Variants in CCSER1 observed in about 807,000 individuals in gnomAD.
The protein encoded by CCSER1 is coiled-coil serine rich protein 1.
A neutral mutation model predicts 82.0 loss-of-function variants in CCSER1; 41 were observed. The observed-to-expected ratio is 0.50, with a 90% CI of 0.39 to 0.65. The LOEUF (loss-of-function observed/expected upper bound fraction) is 0.65. CCSER1 is among the 30% of genes least tolerant of loss of function. The pLI is 0.00. For synonymous variants in CCSER1, 414 were observed against 383.9 expected (o/e 1.08, Z -0.92); for missense variants, 1,119 against 1,064.2 (o/e 1.05, Z -0.72).
At chr4:90,751,595 A>G (rs1748676453) in intron 7 of CCSER1, among the ~76,000 whole-genome samples, 1 of 152,150 alleles carries the variant, frequency 6.6e-6, no homozygotes, top group Non-Finnish European at 1.5e-5. Flanking sequence ...GATGTTAAAT[A>G]GTTGTTAAAG....
chr4:90,166,158 T>C (rs1273501781), intron 1 of CCSER1, among the ~76,000 whole-genome samples: 2 of 152,176 alleles, frequency 1.3e-5, no homozygotes, highest in South Asian at 2.1e-4. Flanking sequence ...ATAAATTGCA[T>C]GAGCTATTCA....
chr4:91,551,656 AACACACACACACACAC>A lies in CCSER1; in HGVS notation c.2218-46886_2218-46871del, dbSNP rs58159693. Among the ~76,000 whole-genome samples, 230 of 139,516 alleles carry A rather than the reference AACACACACACACACAC, an allele frequency of 1.6e-3. 1 individual carries two copies. In the East Asian group the frequency reaches 0.018, roughly 11 times the overall value. 91.5% of individuals were successfully genotyped at this position (139,516 alleles called of 152,430 possible). On this transcript the variant is annotated intron_variant, in intron 10 of 10. Transcript: ENST00000509176. ...TTCCTGAAGCAGCAGGCAAAAAACAAACACACACACACACACACACACACACACACACACACACACA... is the reference window on the plus strand; with the variant it reads ...TTCCTGAAGCAGCAGGCAAAAAACAAACACACACACACACACACACACACA...
At chr4:90,195,311 G>A (rs62313893) in intron 1 of CCSER1, among the ~76,000 whole-genome samples, 17,532 of 152,030 alleles carry the variant, frequency 0.12, 1,123 homozygotes, top group Middle Eastern at 0.23. Flanking sequence ...GGTGGGTGGA[G>A]TAAACTTAAA....
intron 5 of CCSER1, among the ~76,000 whole-genome samples, chr4:90,469,459 A>G (rs1764059948): frequency 6.6e-6 from 1 of 151,658 alleles, no homozygotes; most frequent in South Asian, 2.1e-4. Context: ...TTTTTGTCTA[A>G]TAGATAATTG....
intron 10 of CCSER1, among the ~76,000 whole-genome samples, chr4:91,424,161 C>T (rs898410368): frequency 1.3e-5 from 2 of 151,116 alleles, no homozygotes; most frequent in African/African-American, 2.4e-5. Context: ...GGACTACAGG[C>T]GCCCGCCACC....
At chr4:91,134,942 C>T (rs556381745) in intron 10 of CCSER1, among the ~76,000 whole-genome samples, 36 of 151,952 alleles carry the variant, frequency 2.4e-4, no homozygotes, top group Non-Finnish European at 4.7e-4. Flanking sequence ...TGCTTGTAGT[C>T]CCAGCTACTC....
chr4:91,439,679 A>T (rs575025074), intron 10 of CCSER1, among the ~76,000 whole-genome samples: 1 of 152,188 alleles, frequency 6.6e-6, no homozygotes, highest in East Asian at 1.9e-4. Flanking sequence ...AAATTGGATA[A>T]AGAGTCAAGA....
At chr4:90,230,175 T>C (rs1199339234) in intron 1 of CCSER1, among the ~76,000 whole-genome samples, 1 of 152,144 alleles carries the variant, frequency 6.6e-6, no homozygotes, top group African/African-American at 2.4e-5. Flanking sequence ...TACATTTTTT[T>C]CAGCACCACA....
At chr4:90,984,314 T>G (rs996051658) in intron 9 of CCSER1, among the ~76,000 whole-genome samples, 1 of 151,820 alleles carries the variant, frequency 6.6e-6, no homozygotes, top group African/African-American at 2.4e-5. Context: ...CATAATTACT[T>G]CATTTTCAAG....
intron 10 of CCSER1, among the ~76,000 whole-genome samples, chr4:91,507,942 G>A (rs905960386): frequency 3.7e-4 from 55 of 150,204 alleles, no homozygotes; most frequent in African/African-American, 1.3e-3. Flanking sequence ...CAACATATCT[G>A]AGCTGGTTTA....
At chr4:91,137,055 C>T (rs1046250992) in intron 10 of CCSER1, among the ~76,000 whole-genome samples, 26 of 148,816 alleles carry the variant, frequency 1.7e-4, no homozygotes, top group African/African-American at 6.2e-4. Flanking sequence ...TACATGTGCA[C>T]ATTGTGCAGG....
chr4:90,546,026 C>T (rs954391823), intron 5 of CCSER1, among the ~76,000 whole-genome samples: 1 of 152,062 alleles, frequency 6.6e-6, no homozygotes, highest in African/African-American at 2.4e-5. Flanking sequence ...TATAGTTTGT[C>T]CCTTATGGCA....
chr4:91,214,625 A>G (rs1362353825), intron 10 of CCSER1, among the ~76,000 whole-genome samples: 1 of 152,198 alleles, frequency 6.6e-6, no homozygotes, highest in Non-Finnish European at 1.5e-5. Context: ...TCTGGTTAAA[A>G]CAGAGCTTGG....
chr4:90,435,479 T>C (rs1180215422), intron 4 of CCSER1, among the ~76,000 whole-genome samples: 3 of 152,134 alleles, frequency 2.0e-5, no homozygotes, highest in Non-Finnish European at 2.9e-5. Flanking sequence ...ACTCCAATAT[T>C]GTGCTCCTTC....
chr4:90,838,924 C>T (rs1160297319), intron 8 of CCSER1: 4 of 1,613,340 alleles, frequency 2.5e-6, no homozygotes, highest in Non-Finnish European at 3.4e-6. Context: ...CTGCTTGCTT[C>T]TCCTGTTCAA....
intron 1 of CCSER1, among the ~76,000 whole-genome samples, chr4:90,224,620 C>T (rs890989764): frequency 3.3e-5 from 5 of 152,104 alleles, no homozygotes; most frequent in Non-Finnish European, 7.4e-5. Flanking sequence ...GAAACACACA[C>T]GTATGTTTTA....
intron 8 of CCSER1, among the ~76,000 whole-genome samples, chr4:90,866,579 G>A (rs1485781704): frequency 2.0e-5 from 3 of 152,018 alleles, no homozygotes; most frequent in African/African-American, 4.8e-5. Flanking sequence ...TAGGCTATAA[G>A]TTGAATCCAT....
At chr4:90,779,227 A>G (rs966274878) in intron 7 of CCSER1, among the ~76,000 whole-genome samples, 3 of 152,104 alleles carry the variant, frequency 2.0e-5, no homozygotes, top group African/African-American at 4.8e-5. Flanking sequence ...TCTATACTAA[A>G]TATCTTTTAT....
intron 10 of CCSER1, among the ~76,000 whole-genome samples, chr4:91,196,444 C>A (rs531169919): frequency 3.0e-4 from 45 of 151,920 alleles, no homozygotes; most frequent in Non-Finnish European, 5.4e-4. Flanking sequence ...GAATTTGTTT[C>A]TTTAAAAACA....
Sources: gnomAD v4.1 joint callset for allele counts (sites outside exome capture counted in the v4.1 genomes callset) on GRCh38, gnomAD v4.1.1 for gene constraint, MANE v1.5 for transcripts, NCBI Gene and HGNC (gene_info 2026-07-23, HGNC 2026-07-21) for gene names.